Variants in RRH observed in about 807,000 individuals in gnomAD.
The protein encoded by RRH is visual pigment-like receptor peropsin.
RRH carries 36 observed loss-of-function variants against 33.1 expected under a neutral mutation model. The ratio of observed to expected loss-of-function variants is 1.09; its 90% confidence interval spans 0.83 to 1.44. The LOEUF is 1.44. Ranked by LOEUF, RRH falls within the 40% of genes most tolerant of loss-of-function variation. The pLI, the probability that RRH is intolerant of heterozygous loss-of-function variation, is 0.00. For missense variants in RRH, 393 were observed against 420.2 expected (o/e 0.94, Z 0.57); for synonymous variants, 124 against 140.2 (o/e 0.88, Z 0.82).
rs561841622 is a variant in RRH at position 109,832,782 on chromosome 4, G to A, written c.107-357G>A. Among the ~76,000 whole-genome samples the A allele has an allele frequency of 3.3e-5, 5 of 152,112 alleles. No homozygotes were observed. The East Asian group carries it at 9.7e-4, about 29-fold the overall frequency. On this transcript the variant is annotated intron_variant, in intron 1 of 6. Coordinates refer to ENST00000317735, the MANE Select transcript of RRH (RefSeq NM_006583.5). The stretch of plus-strand genomic sequence containing the variant: ...CCAGGAAGGAAGAGGAGGAAGTTAA[G>A]CTGACAAAAAGAGGGCATGGTCAGT...
In RRH at chr4:109,836,891, C is replaced by CAAAAAAAAAAAAAAAAA. The variant is rs56989659; in HGVS notation, c.552-542_552-526dup. On this transcript the variant is annotated intron_variant, in intron 4 of 6. Transcript: ENST00000317735. ...GCAACATATTGAGACCCTGTCTCTA[C>CAAAAAAAAAAAAAAAAA]AAAAAAAAAAAAAAAAAAAAGCAGA... is the stretch of plus-strand genomic sequence containing the variant. Among the ~76,000 whole-genome samples the CAAAAAAAAAAAAAAAAA allele has an allele frequency of 2.0e-3, 171 of 84,398 alleles. 10 individuals are homozygous for CAAAAAAAAAAAAAAAAA. Among genetic ancestry groups the CAAAAAAAAAAAAAAAAA allele is most frequent in the African/African-American group, 9.0e-3 (151 of 16,814 alleles). 55.4% of individuals were successfully genotyped at this position (84,398 alleles called of 152,430 possible). A position where few individuals can be genotyped will look rare whatever the true frequency, so the allele number is the denominator to read the frequency against.
chr4:109,844,244 A>G lies in RRH; in HGVS notation c.*47A>G, dbSNP rs776513371. 1.6e-4 allele frequency: 195 copies of G among 1,217,046 alleles called. 2 individuals carry two copies. The East Asian group carries it at 4.6e-3, about 29-fold the overall frequency. The allele number at this position is 1,217,046 out of a possible 1,614,324, so 75.4% of individuals were successfully genotyped here. A position where few individuals can be genotyped will look rare whatever the true frequency, so the allele number is the denominator to read the frequency against. On this transcript the variant is annotated 3_prime_UTR_variant, in exon 7 of 7. Coordinates refer to ENST00000317735, the MANE Select transcript of RRH (RefSeq NM_006583.5). Reference sequence around the variant, plus strand: ...ATCAAAACACTTTAGTTTTTTGACAATGCTTTTCTTTTAAATATGAGCCCA... The same window carrying G: ...ATCAAAACACTTTAGTTTTTTGACAGTGCTTTTCTTTTAAATATGAGCCCA...
intron 1 of RRH, among the ~76,000 whole-genome samples, chr4:109,830,596 G>A (rs1199042867): frequency 6.6e-6 from 1 of 152,074 alleles, no homozygotes; most frequent in Non-Finnish European, 1.5e-5. Flanking sequence ...AACACACCTG[G>A]GGAAGAACAG....
intron 1 of RRH, among the ~76,000 whole-genome samples, chr4:109,831,002 T>G (rs1408722340): frequency 6.6e-6 from 1 of 152,156 alleles, no homozygotes; most frequent in Non-Finnish European, 1.5e-5. Flanking sequence ...TTTTGTATAC[T>G]CATTAGAAGA....
chr4:109,839,934 T>C (rs145227404), intron 5 of RRH, among the ~76,000 whole-genome samples: 39 of 152,334 alleles, frequency 2.6e-4, no homozygotes, highest in African/African-American at 8.7e-4. Context: ...AACATACATG[T>C]GCATGTGTCT....
intron 1 of RRH, among the ~76,000 whole-genome samples, chr4:109,830,857 A>C (rs1445868780): frequency 6.6e-6 from 1 of 152,198 alleles, no homozygotes; most frequent in Non-Finnish European, 1.5e-5. Flanking sequence ...GGTCTGTTGA[A>C]GAGATTGCAC....
chr4:109,837,352 T>C (rs1160725627), intron 4 of RRH, 85 bp from the exon 5 acceptor site: 3 of 1,161,936 alleles, frequency 2.6e-6, no homozygotes, highest in African/African-American at 1.5e-5. Context: ...ACTACCAGTA[T>C]TGTTTTTAAT....
intron 1 of RRH, among the ~76,000 whole-genome samples, chr4:109,831,295 G>A (rs1040204534): frequency 6.6e-6 from 1 of 151,922 alleles, no homozygotes; most frequent in Admixed American, 6.6e-5. Context: ...CTAAAAATAG[G>A]GCCAAAGAAT....
intron 6 of RRH, among the ~76,000 whole-genome samples, chr4:109,843,352 A>G (rs775475391): frequency 2.4e-4 from 37 of 152,160 alleles, no homozygotes; most frequent in Non-Finnish European, 4.1e-4. Flanking sequence ...CTGGGATTAC[A>G]GGTGCCCGCC....
At chr4:109,837,668 G>A in intron 5 of RRH, 63 bp downstream of exon 5, 2 of 1,302,272 alleles carry the variant, frequency 1.5e-6, no homozygotes, top group Non-Finnish European at 1.1e-6. Flanking sequence ...ATAGTTGAAA[G>A]AGTCCCTGGG....
chr4:109,842,436 T>C, intron 5 of RRH, 33 bp from the exon 6 acceptor site: 1 of 1,580,920 alleles, frequency 6.3e-7, no homozygotes. Context: ...ATATTTTAGG[T>C]ATTGGGCTTG....
At chr4:109,841,846 G>A (rs1280338360) in intron 5 of RRH, among the ~76,000 whole-genome samples, 2 of 151,980 alleles carry the variant, frequency 1.3e-5, no homozygotes, top group Non-Finnish European at 1.5e-5. Context: ...GCAATCTAGG[G>A]AAGCAATATA....
chr4:109,832,495 A>AGTGTGTGTGT (rs36127904), intron 1 of RRH, among the ~76,000 whole-genome samples: 11,472 of 135,134 alleles, frequency 0.085, 793 homozygotes, highest in African/African-American at 0.18. Flanking sequence ...CTATTGGGGT[A>AGTGTGTGTGT]GTGTGTGTGT....
At chr4:109,833,054 A>T in intron 1 of RRH, 85 bp from the exon 2 acceptor site, 1 of 1,106,304 alleles carries the variant, frequency 9.0e-7, no homozygotes, top group Non-Finnish European at 1.4e-6. Context: ...TTATGTTTTT[A>T]AAGGGGCTTA....
chr4:109,844,073 T>C lies in RRH; in HGVS notation c.900-10T>C, dbSNP rs914701535. 2 of 1,596,490 alleles carry C rather than the reference T, an allele frequency of 1.3e-6. No individual in the cohort carries two copies. The highest frequency in any genetic ancestry group is 1.7e-6 in the Non-Finnish European group (2 of 1,164,194). ...TGGGTTAATGCCAGATTTTCCTTTT[T>C]TTATCGTAGGTTTCGGAGGGCAATG... On this transcript the variant is annotated splice_polypyrimidine_tract_variant and intron_variant, in intron 6 of 6. Coordinates refer to ENST00000317735, the MANE Select transcript of RRH (RefSeq NM_006583.5).
chr4:109,837,011 G>T (rs1403467205), intron 4 of RRH, among the ~76,000 whole-genome samples: 1 of 151,996 alleles, frequency 6.6e-6, no homozygotes, highest in African/African-American at 2.4e-5. Context: ...GGCTTGGGCT[G>T]GGGAGTTCAA....
In RRH at chr4:109,835,995, G is replaced by A; in HGVS notation, c.398-12G>A. On this transcript the variant is annotated splice_polypyrimidine_tract_variant and intron_variant, in intron 3 of 6. Coordinates refer to ENST00000317735, the MANE Select transcript of RRH (RefSeq NM_006583.5). ...GGCAAATGTTGCTAATATTTCCTGT[G>A]CTTGATAATAGGGAGAAGAATGACC... 6.2e-7 allele frequency: 1 copy of A among 1,614,114 alleles called. No homozygotes were observed. The highest frequency in any genetic ancestry group is 8.5e-7 in the Non-Finnish European group (1 of 1,179,988).
In RRH at chr4:109,840,263, T is replaced by G. The variant is rs147963938; in HGVS notation, c.721-2206T>G. 2.1e-3 allele frequency among the ~76,000 whole-genome samples: 320 copies of G among 152,268 alleles called. 1 individual carries two copies. The highest frequency in any genetic ancestry group is 7.2e-3 in the African/African-American group (299 of 41,554). On this transcript the variant is annotated intron_variant, in intron 5 of 6. Coordinates refer to ENST00000317735, the MANE Select transcript of RRH (RefSeq NM_006583.5). ...CATGTTTCTTGGCTGCATGTATGTC[T>G]TCTTTTGAGAAATGCCTGTTCATGT...
At chr4:109,840,562 T>C (rs1733965971) in intron 5 of RRH, among the ~76,000 whole-genome samples, 1 of 152,186 alleles carries the variant, frequency 6.6e-6, no homozygotes, top group South Asian at 2.1e-4. Context: ...TCCTGAATGG[T>C]ATTGCCTGGG....
Sources: gnomAD v4.1 joint callset for allele counts (sites outside exome capture counted in the v4.1 genomes callset) on GRCh38, gnomAD v4.1.1 for gene constraint, MANE v1.5 for transcripts, NCBI Gene and HGNC (gene_info 2026-07-23, HGNC 2026-07-21) for gene names.